ASB5: variants seen among roughly 807,000 people sequenced by gnomAD.
ASB5 encodes ankyrin repeat and SOCS box protein 5.
In ASB5, 45 loss-of-function variants were observed where a neutral mutation model predicts 42.1. The ratio of observed to expected loss-of-function variants is 1.07; its 90% CI spans 0.84 to 1.37. The LOEUF is 1.37. Ranked by LOEUF, ASB5 falls within the 40% of genes most tolerant of loss-of-function variation. ASB5 has a pLI of 0.00. For synonymous variants in ASB5, 147 were observed against 150.6 expected (o/e 0.98, Z 0.18); for missense variants, 402 against 399.8 (o/e 1.01, Z -0.05).
In ASB5 at chr4:176,225,272, A is replaced by G. The variant is rs748571147; in HGVS notation, c.266T>C (p.Leu89Ser). 12 of 1,612,282 alleles carry G rather than the reference A, an allele frequency of 7.4e-6. No individual in the cohort carries two copies. In the East Asian group the frequency reaches 2.7e-4, roughly 36 times the overall value. The change falls in exon 2 of 7, where the codon TTA becomes TCA. Residue 89 changes from leucine to serine, a missense_variant. Coordinates refer to ENST00000296525, the MANE Select transcript of ASB5 (RefSeq NM_080874.4). The stretch of plus-strand genomic sequence containing the variant: ...TATGTAATATATTACCTGTGATAAT[A>G]ATGTTCTCAGAGCAAGAAGGCGACC... ...SQGRLLALRTLLSQGYNVNAV... is the reference protein window; with the variant it reads ...SQGRLLALRTSLSQGYNVNAV...
At chr4:176,276,599 A>C (rs1295304284) in intron 1 of ASB5, among the ~76,000 whole-genome samples, 1 of 152,168 alleles carries the variant, frequency 6.6e-6, no homozygotes, top group Non-Finnish European at 1.5e-5. Context: ...GTCACTCAAT[A>C]GTTTGATATA....
At chr4:176,221,086 G>C in intron 5 of ASB5, 69 bp downstream of exon 5, 1 of 1,432,868 alleles carries the variant, frequency 7.0e-7, no homozygotes, top group African/African-American at 1.4e-5. Flanking sequence ...TTTTAAAGAT[G>C]CTCATTTAGA....
At chr4:176,269,763 G>A (rs1017247703), upstream of ASB5, among the ~76,000 whole-genome samples, 1 of 152,174 alleles carries the variant, frequency 6.6e-6, no homozygotes, top group African/African-American at 2.4e-5. Flanking sequence ...CCCTTTGCTA[G>A]ATTTTGAAGT....
intron 1 of ASB5, among the ~76,000 whole-genome samples, chr4:176,249,112 G>A (rs1384578382): frequency 1.3e-5 from 2 of 152,154 alleles, no homozygotes; most frequent in Non-Finnish European, 2.9e-5. Flanking sequence ...GATGACAGGC[G>A]TGGGCCACCA....
chr4:176,261,756 G>A lies in ASB5; in HGVS notation c.196+7157C>T, dbSNP rs189466723. Among the ~76,000 whole-genome samples, 724 of 152,122 alleles carry A rather than the reference G, an allele frequency of 4.8e-3. 3 individuals carry two copies. The highest frequency in any genetic ancestry group is 0.017 in the African/African-American group (691 of 41,502). Reference sequence around the variant, plus strand: ...AAAACTTGACTGTTTTCCTTTTAGCGCCATATGGTTTTCTACCTCCTTGCT... The same window carrying A: ...AAAACTTGACTGTTTTCCTTTTAGCACCATATGGTTTTCTACCTCCTTGCT... On this transcript the variant is annotated intron_variant, in intron 1 of 6. Transcript: ENST00000296525.
In ASB5 at chr4:176,221,510, C is replaced by A. The variant is rs1331735767; in HGVS notation, c.475G>T (p.Gly159Cys). Reference protein sequence around the residue: ...PSCAELLLEYGAKAQLESCLP... With the variant: ...PSCAELLLEYCAKAQLESCLP... ...CATGACTCCAGCTGGGCTTTGGCAC[C>A]ATACTCCAGAAGCAGCTCTGCACAG... The change falls in exon 4 of 7, where the codon GGT becomes TGT. Residue 159 changes from glycine (G) to cysteine (C), a missense_variant. Coordinates refer to ENST00000296525, the MANE Select transcript of ASB5 (RefSeq NM_080874.4). 2.5e-6 allele frequency: 4 copies of A among 1,614,150 alleles called. No homozygotes were observed. The highest frequency in any genetic ancestry group is 3.4e-6 in the Non-Finnish European group (4 of 1,180,022).
intron 1 of ASB5, among the ~76,000 whole-genome samples, chr4:176,260,439 C>A (rs1186796938): frequency 1.3e-5 from 2 of 152,146 alleles, no homozygotes; most frequent in African/African-American, 2.4e-5. Flanking sequence ...ACCTAAATTT[C>A]ACAGAGTGGA....
intron 1 of ASB5, among the ~76,000 whole-genome samples, chr4:176,226,399 G>A (rs1753379983): frequency 1.3e-5 from 2 of 152,218 alleles, no homozygotes; most frequent in South Asian, 4.1e-4. Context: ...GAATTATATT[G>A]GCTTTCCTGG....
At chr4:176,241,397 C>T in intron 1 of ASB5, 1 of 1,317,818 alleles carries the variant, frequency 7.6e-7, no homozygotes, top group Non-Finnish European at 1.0e-6. Context: ...CTATTAAGGG[C>T]TCACTAAGTA....
At chr4:176,228,486 T>G (rs1392357889) in intron 1 of ASB5, among the ~76,000 whole-genome samples, 1 of 152,222 alleles carries the variant, frequency 6.6e-6, no homozygotes, top group Non-Finnish European at 1.5e-5. Context: ...AGAAGACTAA[T>G]GTATACTTTC....
intron 1 of ASB5, chr4:176,249,702 A>G (rs1025211203): frequency 2.6e-5 from 4 of 151,406 alleles, no homozygotes; most frequent in African/African-American, 9.7e-5. Flanking sequence ...GAGTTAGACG[A>G]GTGCTCCAGA....
At chr4:176,250,095 AAAGT>A (rs1399310871) in intron 1 of ASB5, among the ~76,000 whole-genome samples, 1 of 151,752 alleles carries the variant, frequency 6.6e-6, no homozygotes, top group African/African-American at 2.4e-5. Context: ...AAAGAAAAAG[AAAGT>A]GAGTTAAGTG....
At position 176,225,276 on chromosome 4, in the gene ASB5, T is replaced by C. The variant is rs1376113523; in HGVS notation, c.262A>G (p.Thr88Ala). 2 of 1,612,952 alleles carry C rather than the reference T, an allele frequency of 1.2e-6. No homozygotes were observed. The highest frequency in any genetic ancestry group is 3.3e-5 in the Admixed American group (2 of 60,018). The change falls in exon 2 of 7, where the codon ACA (threonine) becomes GCA (alanine). Residue 88 changes from threonine (T) to alanine (A), a missense_variant. Coordinates refer to ENST00000296525, the MANE Select transcript of ASB5 (RefSeq NM_080874.4). ...TAATATATTACCTGTGATAATAATG[T>C]TCTCAGAGCAAGAAGGCGACCTTGA... ...ASQGRLLALR[T>A]LLSQGYNVNA... is the part of the protein sequence containing the mutation.
chr4:176,218,376 T>C (rs368088432), intron 5 of ASB5, among the ~76,000 whole-genome samples: 108 of 90,742 alleles, frequency 1.2e-3, no homozygotes, highest in African/African-American at 1.9e-3. Flanking sequence ...TATAAATATA[T>C]ATGTATGATA....
Position 176,269,105 on chromosome 4 carries a change from A to C in ASB5, c.4T>G (p.Ser2Ala). The change falls in exon 1 of 7, where the codon TCG (serine) becomes GCG (alanine). Residue 2 changes from serine (S) to alanine (A), a missense_variant. Coordinates refer to ENST00000296525, the MANE Select transcript of ASB5 (RefSeq NM_080874.4). The part of the protein sequence containing the change: M[S>A]VLEENRPFAQ... Reference sequence around the variant, plus strand: ...AACGGCCGATTTTCTTCTAACACCGACATTGCTGCAGAAGAATCTGCGGCG... The same window carrying C: ...AACGGCCGATTTTCTTCTAACACCGCCATTGCTGCAGAAGAATCTGCGGCG... The C allele has an allele frequency of 6.2e-7, 1 of 1,609,790 alleles. No individual in the cohort carries two copies. Among genetic ancestry groups the C allele is most frequent in the Non-Finnish European group, 8.5e-7 (1 of 1,177,392 alleles).
At chr4:176,244,783 T>G (rs1753877210) in intron 1 of ASB5, among the ~76,000 whole-genome samples, 1 of 152,078 alleles carries the variant, frequency 6.6e-6, no homozygotes, top group African/African-American at 2.4e-5. Flanking sequence ...CTGGGCATGG[T>G]GACATGTGCC....
chr4:176,265,774 G>A (rs374163607), intron 1 of ASB5, among the ~76,000 whole-genome samples: 2 of 152,204 alleles, frequency 1.3e-5, no homozygotes, highest in African/African-American at 4.8e-5. Flanking sequence ...AAGCCTGGTA[G>A]TCTCCCTGTT....
At position 176,219,581 on chromosome 4, in the gene ASB5, T is replaced by TAA. The variant is rs1316174877; in HGVS notation, c.670+1573_670+1574insTT. Among the ~76,000 whole-genome samples, 146 of 19,672 alleles carry TAA rather than the reference T, an allele frequency of 7.4e-3. 37 individuals are homozygous for TAA. Among genetic ancestry groups the TAA allele is most frequent in the African/African-American group, 0.014 (65 of 4,640 alleles). The allele number at this position is 19,672 out of a possible 152,430, so 12.9% of individuals were successfully genotyped here. Reference sequence around the variant, plus strand: ...AATATGTATATATTTGTATGATATATATATATATATATATATATATATATA... The same window carrying TAA: ...AATATGTATATATTTGTATGATATATAAATATATATATATATATATATATATA... On this transcript the variant is annotated intron_variant, in intron 5 of 6. Transcript: ENST00000296525.
chr4:176,266,195 C>T (rs894598776), intron 1 of ASB5, among the ~76,000 whole-genome samples: 3 of 152,154 alleles, frequency 2.0e-5, no homozygotes, highest in Non-Finnish European at 2.9e-5. Context: ...CAAAGTACTA[C>T]TGCTCATGGG....
Sources: allele counts gnomAD v4.1 joint callset (sites outside exome capture counted in the v4.1 genomes callset), GRCh38; gene constraint gnomAD v4.1.1; transcripts MANE v1.5; gene names NCBI Gene and HGNC (gene_info 2026-07-23, HGNC 2026-07-21).